DYTN: variants seen among roughly 807,000 people sequenced by gnomAD.
The protein encoded by DYTN is dystrotelin.
A neutral mutation model predicts 69.6 loss-of-function variants in DYTN; 75 were observed. That is an observed-to-expected ratio of 1.08 (90% CI 0.89 to 1.31). The LOEUF (loss-of-function observed/expected upper bound fraction) is 1.31, where lower values mean the gene tolerates loss of function less well. DYTN is among the 50% of genes most tolerant of loss of function. The pLI is 0.00. For synonymous variants in DYTN, 252 were observed against 249.1 expected (o/e 1.01, Z -0.11); for missense variants, 726 against 688.4 (o/e 1.05, Z -0.61).
Position 206,708,394 on chromosome 2 carries a change from G to A in DYTN, c.95-891C>T, listed in dbSNP as rs530972548. 2.9e-4 allele frequency among the ~76,000 whole-genome samples: 44 copies of A among 152,270 alleles called. No individual in the cohort carries two copies. In the South Asian group the frequency reaches 7.0e-3, roughly 24 times the overall value. Reference sequence around the variant, plus strand: ...AGCCTGTGAAACCATAAAACCCTGGGTTTCTCTCTACTTCGTAAATCAACC... The same window carrying A: ...AGCCTGTGAAACCATAAAACCCTGGATTTCTCTCTACTTCGTAAATCAACC... On this transcript the variant is annotated intron_variant, in intron 2 of 11. Transcript: ENST00000452335.
chr2:206,660,801 G>T (rs1574586263), intron 11 of DYTN, among the ~76,000 whole-genome samples: 1 of 152,046 alleles, frequency 6.6e-6, no homozygotes, highest in Non-Finnish European at 1.5e-5. Flanking sequence ...TTTTAGAATC[G>T]CCGAATAATT....
intron 9 of DYTN, among the ~76,000 whole-genome samples, chr2:206,673,820 G>T (rs1028871172): frequency 6.6e-6 from 1 of 152,202 alleles, no homozygotes; most frequent in Non-Finnish European, 1.5e-5. Flanking sequence ...GGCACATATT[G>T]TTGTGGTTAG....
At chr2:206,673,386 T>G (rs1278421987) in intron 9 of DYTN, among the ~76,000 whole-genome samples, 1 of 152,092 alleles carries the variant, frequency 6.6e-6, no homozygotes, top group Non-Finnish European at 1.5e-5. Context: ...GCCCCTCCAG[T>G]AGCTGGGATT....
intron 9 of DYTN, chr2:206,686,411 C>T (rs1053200585): frequency 2.0e-5 from 3 of 152,166 alleles, no homozygotes; most frequent in Non-Finnish European, 4.4e-5. Flanking sequence ...AGAATAATCA[C>T]AAAAACAAGT....
chr2:206,669,222 T>A (rs937052662), intron 9 of DYTN, among the ~76,000 whole-genome samples: 4 of 152,246 alleles, frequency 2.6e-5, no homozygotes, highest in African/African-American at 9.6e-5. Flanking sequence ...ACCACATATA[T>A]CACAGGTCTT....
intron 7 of DYTN, among the ~76,000 whole-genome samples, chr2:206,695,510 T>A (rs1281329455): frequency 6.6e-6 from 1 of 152,180 alleles, no homozygotes; most frequent in East Asian, 1.9e-4. Flanking sequence ...GAATTTTTCT[T>A]TTTGAGAAAT....
intron 7 of DYTN, among the ~76,000 whole-genome samples, 174 bp downstream of exon 7, chr2:206,699,553 A>G (rs972894408): frequency 5.9e-5 from 9 of 152,250 alleles, no homozygotes; most frequent in African/African-American, 2.2e-4. Context: ...ATAGAAGATA[A>G]AAGACAATTT....
chr2:206,659,474 C>T (rs1221751322), intron 11 of DYTN, among the ~76,000 whole-genome samples: 1 of 83,538 alleles, frequency 1.2e-5, no homozygotes, highest in Non-Finnish European at 2.2e-5. Flanking sequence ...ACGCCGGGCC[C>T]AACAATTCTC....
At chr2:206,664,668 A>G (rs1011294448) in intron 10 of DYTN, among the ~76,000 whole-genome samples, 23 of 152,180 alleles carry the variant, frequency 1.5e-4, no homozygotes, top group African/African-American at 5.5e-4. Context: ...TCTAAAATGT[A>G]TATTTACATA....
At chr2:206,696,408 C>G (rs1284988437) in intron 7 of DYTN, among the ~76,000 whole-genome samples, 2 of 152,032 alleles carry the variant, frequency 1.3e-5, no homozygotes, top group East Asian at 1.9e-4. Context: ...TGAGATCGCC[C>G]CTCAGCTACC....
At chr2:206,661,772 G>A (rs187984697) in intron 11 of DYTN, among the ~76,000 whole-genome samples, 34 of 152,266 alleles carry the variant, frequency 2.2e-4, no homozygotes, top group Non-Finnish European at 4.0e-4. Context: ...TATTAATAAA[G>A]TTTTGGGGAG....
intron 10 of DYTN, among the ~76,000 whole-genome samples, chr2:206,664,288 TCAAA>T (rs1699544277): frequency 1.3e-5 from 2 of 152,304 alleles, no homozygotes; most frequent in Admixed American, 6.5e-5. Flanking sequence ...TGGGTATTTG[TCAAA>T]CAGTTTCTCA....
At chr2:206,709,067 T>C (rs1354991322) in intron 2 of DYTN, among the ~76,000 whole-genome samples, 2 of 152,324 alleles carry the variant, frequency 1.3e-5, no homozygotes, top group Admixed American at 6.5e-5. Context: ...ATAATAGTTA[T>C]AAGTGAGTTT....
intron 7 of DYTN, among the ~76,000 whole-genome samples, chr2:206,696,770 G>C (rs1427015515): frequency 6.6e-6 from 1 of 152,086 alleles, no homozygotes; most frequent in Non-Finnish European, 1.5e-5. Context: ...CACTCCTCAA[G>C]GCAGGAGGCT....
At chr2:206,698,674 A>G (rs1699945439) in intron 7 of DYTN, among the ~76,000 whole-genome samples, 1 of 152,144 alleles carries the variant, frequency 6.6e-6, no homozygotes, top group African/African-American at 2.4e-5. Flanking sequence ...GGTTTTATTT[A>G]TGGGAGACCT....
chr2:206,676,890 G>A (rs548843631), intron 9 of DYTN, among the ~76,000 whole-genome samples: 2 of 151,888 alleles, frequency 1.3e-5, no homozygotes, highest in South Asian at 2.1e-4. Flanking sequence ...CTCATCAAAT[G>A]GTATACATTA....
At chr2:206,705,160 A>C (rs1461102465) in intron 4 of DYTN, 2 of 534,274 alleles carry the variant, frequency 3.7e-6, no homozygotes, top group Non-Finnish European at 6.7e-6. Flanking sequence ...GCAATGGCAC[A>C]ATCTTGGCTC....
intron 1 of DYTN, among the ~76,000 whole-genome samples, chr2:206,715,091 A>C (rs1288622701): frequency 1.3e-5 from 2 of 152,186 alleles, no homozygotes; most frequent in African/African-American, 2.4e-5. Context: ...AGGATGGATA[A>C]GATGCTGAGC....
intron 9 of DYTN, among the ~76,000 whole-genome samples, chr2:206,688,967 G>A (rs953420763): frequency 2.1e-4 from 32 of 152,172 alleles, no homozygotes; most frequent in African/African-American, 7.2e-4. Flanking sequence ...ACCATCATTT[G>A]AAGCCTATTA....
Sources: allele counts gnomAD v4.1 joint callset (sites outside exome capture counted in the v4.1 genomes callset), GRCh38; gene constraint gnomAD v4.1.1; transcripts MANE v1.5; gene names NCBI Gene and HGNC (gene_info 2026-07-23, HGNC 2026-07-21).